Variants in MAP4K3 observed in about 807,000 individuals in gnomAD.
MAP4K3 encodes MAPK/ERK kinase kinase kinase 3.
Under a neutral mutation model 143.5 loss-of-function variants are expected in MAP4K3, and 94 were observed. The ratio of observed to expected loss-of-function variants is 0.65; its 90% CI spans 0.55 to 0.78. MAP4K3 has a LOEUF of 0.78. Among genes scored for constraint, MAP4K3 ranks in the 30% least tolerant of loss-of-function variants. MAP4K3 has a pLI of 0.00. For synonymous variants in MAP4K3, 416 were observed against 347.2 expected, an observed-to-expected ratio of 1.20 and a Z score of -2.20; for missense variants, 1,077 against 1,068.1, an observed-to-expected ratio of 1.01 and a Z score of -0.12.
At chr2:39,391,358 C>CAAAAAACAAAA (rs1666651382) in intron 1 of MAP4K3, among the ~76,000 whole-genome samples, 1 of 45,432 alleles carries the variant, frequency 2.2e-5, no homozygotes, top group Non-Finnish European at 3.8e-5. Context: ...GACTCCATCT[C>CAAAAAACAAAA]AAAAAAAAAA....
intron 3 of MAP4K3, among the ~76,000 whole-genome samples, chr2:39,354,861 C>T (rs889736804): frequency 7.2e-5 from 11 of 152,082 alleles, no homozygotes; most frequent in African/African-American, 2.7e-4. Flanking sequence ...TGTTTTGTAC[C>T]TGGATCATAT....
At chr2:39,309,668 C>T in intron 13 of MAP4K3, 149 bp from the exon 14 acceptor site, 1 of 525,832 alleles carries the variant, frequency 1.9e-6, no homozygotes, top group Admixed American at 3.6e-5. Flanking sequence ...CACCATTTCC[C>T]TGCCTCAGCC....
chr2:39,285,810 G>C (rs1443936244), intron 21 of MAP4K3, among the ~76,000 whole-genome samples: 1 of 152,128 alleles, frequency 6.6e-6, no homozygotes, highest in African/African-American at 2.4e-5. Context: ...CATCTGTTGA[G>C]ATATTGGGGA....
intron 6 of MAP4K3, among the ~76,000 whole-genome samples, chr2:39,334,048 G>C (rs1262642962): frequency 1.3e-5 from 2 of 150,396 alleles, no homozygotes; most frequent in Non-Finnish European, 3.0e-5. Flanking sequence ...ATTGAACCAG[G>C]GTTGGTATGT....
At chr2:39,360,753 G>A (rs1424805828) in intron 2 of MAP4K3, among the ~76,000 whole-genome samples, 3 of 152,120 alleles carry the variant, frequency 2.0e-5, no homozygotes, top group African/African-American at 7.2e-5. Flanking sequence ...ATGGGCAAAA[G>A]GGGGAAAAGC....
chr2:39,436,996 C>T lies in MAP4K3; in HGVS notation c.-9G>A, dbSNP rs766076083. 6.2e-7 allele frequency: 1 copy of T among 1,607,346 alleles called. No homozygotes were observed. Among genetic ancestry groups the T allele is most frequent in the Non-Finnish European group, 8.5e-7 (1 of 1,177,052 alleles). ...TCGAAGCCGGGGTTCATGGCGGGCC[C>T]CAGGTGCCCCCCGCCTCCCTCCCGG... On this transcript the variant is annotated 5_prime_UTR_variant, in exon 1 of 34. Transcript: ENST00000263881.
rs78354599 is a variant in MAP4K3 at position 39,382,602 on chromosome 2, C to T, written c.97-4479G>A. 2.2e-4 allele frequency among the ~76,000 whole-genome samples: 34 copies of T among 152,278 alleles called. 1 individual carries two copies. The East Asian group carries it at 6.6e-3, about 29-fold the overall frequency. The stretch of plus-strand genomic sequence containing the variant: ...ATCAAATAATTTCATTCTAAATCAA[C>T]AGATTCCAAATACTGAACCAGCTAG... On this transcript the variant is annotated intron_variant, in intron 1 of 33. Coordinates refer to ENST00000263881, the MANE Select transcript of MAP4K3 (RefSeq NM_003618.4).
At chr2:39,250,829 G>A in intron 33 of MAP4K3, 124 bp from the exon 34 acceptor site, 1 of 724,640 alleles carries the variant, frequency 1.4e-6, no homozygotes, top group Non-Finnish European at 2.3e-6. Flanking sequence ...ATCGTGGGCA[G>A]AAATCATTTG....
At chr2:39,314,772 G>A (rs1003982759) in intron 13 of MAP4K3, among the ~76,000 whole-genome samples, 5 of 152,174 alleles carry the variant, frequency 3.3e-5, no homozygotes, top group African/African-American at 9.7e-5. Context: ...ATAACTGGAG[G>A]CCTATTTTAA....
intron 1 of MAP4K3, among the ~76,000 whole-genome samples, chr2:39,434,588 C>T (rs1665395781): frequency 6.6e-6 from 1 of 152,216 alleles, no homozygotes; most frequent in African/African-American, 2.4e-5. Flanking sequence ...TAAATGTGTG[C>T]CTCAGTTTCT....
chr2:39,381,938 TC>T (rs1174987427), intron 1 of MAP4K3, among the ~76,000 whole-genome samples: 14 of 151,824 alleles, frequency 9.2e-5, no homozygotes, highest in Non-Finnish European at 2.9e-5. Flanking sequence ...AGTATACACG[TC>T]CCCCACCACA....
intron 1 of MAP4K3, among the ~76,000 whole-genome samples, chr2:39,433,544 T>A (rs1332101074): frequency 6.6e-6 from 1 of 152,240 alleles, no homozygotes; most frequent in African/African-American, 2.4e-5. Flanking sequence ...AAAACTTTTT[T>A]GAATGGCAAA....
In MAP4K3 at chr2:39,325,807, T is replaced by C; in HGVS notation, c.730A>G (p.Asn244Asp). ...PKLKDKMKWSNSFHHFVKMAL... is the reference protein window; with the variant it reads ...PKLKDKMKWSDSFHHFVKMAL... ...ATTTTCACAAAGTGATGAAAACTAT[T>C]TGACCTAAGAAATTTAGAAAATTAG... Residue 244 changes from asparagine (N) to aspartate (D), a missense_variant, in exon 11 of 34, where the codon AAT (asparagine) becomes GAT (aspartate). Coordinates refer to ENST00000263881, the MANE Select transcript of MAP4K3 (RefSeq NM_003618.4). 1 of 1,603,730 alleles carries C rather than the reference T, an allele frequency of 6.2e-7. No homozygotes were observed. Among genetic ancestry groups the C allele is most frequent in the Non-Finnish European group, 8.5e-7 (1 of 1,176,130 alleles).
At chr2:39,354,723 C>T (rs1665558121) in intron 3 of MAP4K3, among the ~76,000 whole-genome samples, 1 of 151,766 alleles carries the variant, frequency 6.6e-6, no homozygotes, top group Non-Finnish European at 1.5e-5. Flanking sequence ...CAAGGTGGGG[C>T]AATCAAAGCT....
chr2:39,350,419 T>G (rs748427153), intron 3 of MAP4K3, among the ~76,000 whole-genome samples: 6 of 152,250 alleles, frequency 3.9e-5, no homozygotes, highest in Non-Finnish European at 7.3e-5. Flanking sequence ...CTCTGTACTA[T>G]TTGCAACTTT....
intron 4 of MAP4K3, among the ~76,000 whole-genome samples, chr2:39,341,828 T>C (rs934913839): frequency 6.6e-6 from 1 of 152,140 alleles, no homozygotes; most frequent in Admixed American, 6.5e-5. Flanking sequence ...TAATGCCAGA[T>C]ATCTCTTCAT....
chr2:39,353,565 G>A (rs1665518774), intron 3 of MAP4K3, among the ~76,000 whole-genome samples: 1 of 151,912 alleles, frequency 6.6e-6, no homozygotes, highest in Non-Finnish European at 1.5e-5. Context: ...TTTTGTATTT[G>A]GAATGAAGCA....
intron 22 of MAP4K3, among the ~76,000 whole-genome samples, chr2:39,281,382 G>T (rs1045569448): frequency 1.3e-5 from 2 of 152,014 alleles, no homozygotes; most frequent in Non-Finnish European, 2.9e-5. Flanking sequence ...AAAGACTCTG[G>T]TACCAAAAAA....
Position 39,265,290 on chromosome 2 carries a change from C to G in MAP4K3, c.2049G>C (p.Thr683=), listed in dbSNP as rs759349724. The change falls in exon 28 of 34, where the codon ACG becomes ACC. Residue 683 remains threonine, a synonymous_variant. Coordinates refer to ENST00000263881, the MANE Select transcript of MAP4K3 (RefSeq NM_003618.4). ...QKCCVVRNPY[T]GHKYLCGALQ... ...GTGCTCCACATAGGTATTTATGGCC[C>G]GTGTAAGGATTTCTTACTGTCAAAG... 3.1e-6 allele frequency: 5 copies of G among 1,611,018 alleles called. No homozygotes were observed. Among genetic ancestry groups the G allele is most frequent in the Non-Finnish European group, 2.5e-6 (3 of 1,177,528 alleles).
Sources: gnomAD v4.1 joint callset for allele counts (sites outside exome capture counted in the v4.1 genomes callset) on GRCh38, gnomAD v4.1.1 for gene constraint, MANE v1.5 for transcripts, NCBI Gene and HGNC (gene_info 2026-07-23, HGNC 2026-07-21) for gene names.